OLA1: variants seen among roughly 807,000 people sequenced by gnomAD.
The protein encoded by OLA1 is Obg like ATPase 1.
In OLA1, 14 loss-of-function variants were observed where a neutral mutation model predicts 48.4. The observed-to-expected ratio is 0.29, with a 90% confidence interval of 0.19 to 0.45. The LOEUF (loss-of-function observed/expected upper bound fraction) is 0.45. Ranked by LOEUF, OLA1 falls within the 20% of genes least tolerant of loss-of-function variation. The probability of loss-of-function intolerance (pLI) is 1.00; values close to 1 mark genes in which losing one functional copy is unlikely to be tolerated. For synonymous variants in OLA1, 127 were observed against 150.4 expected (o/e 0.84, Z 1.14); for missense variants, 325 against 467.1 (o/e 0.70, Z 2.80).
chr2:174,073,542 A>G lies in OLA1; in HGVS notation c.*1884T>C, dbSNP rs904870567. The G allele has an allele frequency of 2.0e-5, 3 of 152,222 alleles. No homozygotes were observed. Among genetic ancestry groups the G allele is most frequent in the African/African-American group, 7.2e-5 (3 of 41,460 alleles). The allele number at this position is 152,222 out of a possible 1,614,324, so 9.4% of individuals were successfully genotyped here. On this transcript the variant is annotated 3_prime_UTR_variant, in exon 11 of 11. Transcript: ENST00000284719. ...TCTAACCAAATTAAACATTTTTAAC[A>G]TTTATTTTCAGCCCCTAATGAATGC...
chr2:174,244,173 G>C (rs779197569), intron 2 of OLA1, among the ~76,000 whole-genome samples: 1 of 152,152 alleles, frequency 6.6e-6, no homozygotes, highest in Non-Finnish European at 1.5e-5. Context: ...GCTGAAAACA[G>C]CCAGAATTGT....
intron 4 of OLA1, among the ~76,000 whole-genome samples, chr2:174,164,459 G>T (rs1443365770): frequency 8.2e-6 from 1 of 122,060 alleles, no homozygotes; most frequent in Non-Finnish European, 1.6e-5. Flanking sequence ...TTAATGAAGA[G>T]GAAACATTTT....
intron 4 of OLA1, among the ~76,000 whole-genome samples, chr2:174,198,480 G>A (rs1333363341): frequency 6.6e-6 from 1 of 152,002 alleles, no homozygotes; most frequent in Non-Finnish European, 1.5e-5. Flanking sequence ...GAGTCTTCAA[G>A]GTCAAAATAT....
chr2:174,131,500 G>T (rs1420016159), intron 5 of OLA1, among the ~76,000 whole-genome samples: 1 of 152,048 alleles, frequency 6.6e-6, no homozygotes, highest in Non-Finnish European at 1.5e-5. Context: ...TTGGTTGTAG[G>T]TCAGGTATTT....
intron 4 of OLA1, among the ~76,000 whole-genome samples, chr2:174,200,320 T>C (rs1481163187): frequency 2.0e-5 from 3 of 152,182 alleles, no homozygotes; most frequent in Non-Finnish European, 1.5e-5. Context: ...TGTCTTTCCA[T>C]AGGAAGACAG....
intron 9 of OLA1, chr2:174,080,844 G>A (rs1317285515): frequency 4.5e-6 from 1 of 224,166 alleles, no homozygotes; most frequent in African/African-American, 2.3e-5. Flanking sequence ...GACAAACCCA[G>A]TCACACAGAT....
intron 2 of OLA1, among the ~76,000 whole-genome samples, chr2:174,243,492 TC>T (rs1231300376): frequency 2.6e-5 from 4 of 152,170 alleles, no homozygotes; most frequent in African/African-American, 9.7e-5. Context: ...GAAATATGTA[TC>T]CCATTAACAA....
chr2:174,135,113 T>C (rs542371940), intron 5 of OLA1, among the ~76,000 whole-genome samples: 25 of 142,724 alleles, frequency 1.8e-4, no homozygotes, highest in African/African-American at 6.6e-4. Context: ...TGAGCCAAGA[T>C]CGTGCCACTG....
rs544523633 is a variant in OLA1 at position 174,080,453 on chromosome 2, G to A, written c.966+699C>T. Among the ~76,000 whole-genome samples, 55 of 152,082 alleles carry A rather than the reference G, an allele frequency of 3.6e-4. 1 individual carries two copies. The highest frequency in any genetic ancestry group is 1.2e-3 in the African/African-American group (51 of 41,500). ...AATATTTTTCAATAGTAACTACTAT[G>A]TTACAATATATTTAAATTTAAAAGC... On this transcript the variant is annotated intron_variant, in intron 9 of 10. Transcript: ENST00000284719.
At chr2:174,088,201 C>T (rs79222833) in intron 7 of OLA1, among the ~76,000 whole-genome samples, 1 of 152,174 alleles carries the variant, frequency 6.6e-6, no homozygotes, top group Admixed American at 6.5e-5. Context: ...TAAGCTAGCT[C>T]CCCTCATGTT....
chr2:174,102,570 C>A (rs1018787542), intron 7 of OLA1, among the ~76,000 whole-genome samples: 2 of 151,964 alleles, frequency 1.3e-5, no homozygotes, highest in African/African-American at 2.4e-5. Flanking sequence ...CCCCCACCCC[C>A]AAAATGAAGG....
intron 5 of OLA1, among the ~76,000 whole-genome samples, chr2:174,137,904 A>ACTTGGGAGTGG (rs1686350846): frequency 6.6e-6 from 1 of 152,322 alleles, no homozygotes; most frequent in East Asian, 1.9e-4. Context: ...GTACACACCT[A>ACTTGGGAGTGG]TAATCCCAGC....
At chr2:174,086,995 T>C (rs1230176175) in intron 7 of OLA1, among the ~76,000 whole-genome samples, 1 of 152,056 alleles carries the variant, frequency 6.6e-6, no homozygotes, top group Non-Finnish European at 1.5e-5. Context: ...GTCCTTTTCT[T>C]GCTTTCAAGT....
At chr2:174,119,223 T>A (rs1224686360) in intron 7 of OLA1, among the ~76,000 whole-genome samples, 1 of 152,000 alleles carries the variant, frequency 6.6e-6, no homozygotes, top group East Asian at 1.9e-4. Flanking sequence ...AAGATTCTGA[T>A]CAGAGAAAGA....
chr2:174,079,222 A>G (rs1269634645), intron 9 of OLA1, 132 bp from the exon 10 acceptor site: 3 of 647,276 alleles, frequency 4.6e-6, no homozygotes, highest in African/African-American at 3.7e-5. Context: ...TGTCAGGTAT[A>G]TAATTAGTAC....
intron 2 of OLA1, chr2:174,240,476 T>C (rs35735114): frequency 6.6e-6 from 1 of 151,914 alleles, no homozygotes; most frequent in Admixed American, 6.6e-5. Flanking sequence ...AATTTTTTTT[T>C]AATTTAATCT....
At chr2:174,239,153 T>C (rs946614700) in intron 2 of OLA1, among the ~76,000 whole-genome samples, 2 of 152,186 alleles carry the variant, frequency 1.3e-5, no homozygotes, top group African/African-American at 4.8e-5. Context: ...AATCACCATT[T>C]GGCAAACACC....
chr2:174,168,396 AAC>A (rs1467564628), intron 4 of OLA1, among the ~76,000 whole-genome samples: 1 of 152,112 alleles, frequency 6.6e-6, no homozygotes, highest in East Asian at 1.9e-4. Context: ...ACCAAAAAAA[AAC>A]AAAACAAACC....
chr2:174,193,687 T>C (rs1350387514), intron 4 of OLA1, among the ~76,000 whole-genome samples: 1 of 152,218 alleles, frequency 6.6e-6, no homozygotes, highest in Non-Finnish European at 1.5e-5. Flanking sequence ...GTTTTTATGA[T>C]GGGCCTTAAT....
Sources: allele counts gnomAD v4.1 joint callset (sites outside exome capture counted in the v4.1 genomes callset), GRCh38; gene constraint gnomAD v4.1.1; transcripts MANE v1.5; gene names NCBI Gene and HGNC (gene_info 2026-07-23, HGNC 2026-07-21).